Variants in ADAMTSL1 observed in about 807,000 individuals in gnomAD.
ADAMTSL1 encodes ADAMTS-like protein 1.
In ADAMTSL1, 126 loss-of-function variants were observed where a neutral mutation model predicts 201.8. The ratio of observed to expected loss-of-function variants is 0.62; its 90% CI spans 0.54 to 0.72. The LOEUF (loss-of-function observed/expected upper bound fraction) is 0.72. ADAMTSL1 is among the 30% of genes least tolerant of loss of function. The pLI, the probability that ADAMTSL1 is intolerant of heterozygous loss-of-function variation, is 0.00. For missense variants in ADAMTSL1, 2,679 were observed against 2,277.8 expected (o/e 1.18, Z -3.59); for synonymous variants, 1,121 against 903.4 (o/e 1.24, Z -4.32).
At chr9:18,703,948 G>A (rs1304909668) in intron 13 of ADAMTSL1, among the ~76,000 whole-genome samples, 5 of 151,722 alleles carry the variant, frequency 3.3e-5, no homozygotes, top group East Asian at 3.9e-4. Context: ...TCTGGGGCTC[G>A]CTTTGAAAAC....
chr9:18,623,353 T>C (rs1437233879), intron 5 of ADAMTSL1, among the ~76,000 whole-genome samples: 1 of 152,326 alleles, frequency 6.6e-6, no homozygotes, highest in Non-Finnish European at 1.5e-5. Flanking sequence ...TTAATCCCCA[T>C]GTTATGGATG....
intron 1 of ADAMTSL1, among the ~76,000 whole-genome samples, chr9:18,053,917 A>C (rs1334902147): frequency 6.6e-6 from 1 of 151,916 alleles, no homozygotes; most frequent in Non-Finnish European, 1.5e-5. Flanking sequence ...GTTGGTGTGC[A>C]CCTTTCACTG....
At chr9:18,671,903 G>A (rs563250405) in intron 9 of ADAMTSL1, among the ~76,000 whole-genome samples, 96 of 152,144 alleles carry the variant, frequency 6.3e-4, no homozygotes, top group Admixed American at 1.8e-3. Flanking sequence ...CGGGCGTGGC[G>A]GCGGGCGCCT....
intron 20 of ADAMTSL1, among the ~76,000 whole-genome samples, chr9:18,803,790 G>A (rs1041766602): frequency 1.4e-4 from 21 of 151,840 alleles, no homozygotes; most frequent in African/African-American, 4.8e-4. Context: ...AATACCCCCT[G>A]GTTTGTATTT....
chr9:18,756,408 A>G (rs892111072), intron 16 of ADAMTSL1, among the ~76,000 whole-genome samples: 1 of 151,886 alleles, frequency 6.6e-6, no homozygotes, highest in African/African-American at 2.4e-5. Flanking sequence ...TTTTGTTGGG[A>G]AAAATTAGCT....
At chr9:18,524,190 C>G (rs191834983) in intron 2 of ADAMTSL1, among the ~76,000 whole-genome samples, 5 of 152,240 alleles carry the variant, frequency 3.3e-5, no homozygotes, top group South Asian at 2.1e-4. Flanking sequence ...AGGTATTATT[C>G]TTTCTGAAGC....
At chr9:17,941,588 AT>A (rs1312433599) in intron 1 of ADAMTSL1, among the ~76,000 whole-genome samples, 9 of 152,102 alleles carry the variant, frequency 5.9e-5, no homozygotes, top group Non-Finnish European at 1.3e-4. Flanking sequence ...GTGTCCTACT[AT>A]CAAATGTCTG....
At chr9:18,114,315 A>G (rs1564007861) in intron 1 of ADAMTSL1, among the ~76,000 whole-genome samples, 1 of 152,186 alleles carries the variant, frequency 6.6e-6, no homozygotes, top group African/African-American at 2.4e-5. Context: ...ATGCAAACCA[A>G]ACAGCTTAAT....
At chr9:18,721,354 C>A (rs1355187921) in intron 14 of ADAMTSL1, among the ~76,000 whole-genome samples, 182 bp from the exon 15 acceptor site, 1 of 152,198 alleles carries the variant, frequency 6.6e-6, no homozygotes, top group East Asian at 1.9e-4. Flanking sequence ...TGAATACTTT[C>A]TCCCAGCTCA....
chr9:18,685,117 A>C (rs749974692), intron 13 of ADAMTSL1, among the ~76,000 whole-genome samples: 32 of 152,370 alleles, frequency 2.1e-4, no homozygotes, highest in South Asian at 1.0e-3. Flanking sequence ...CTGATGATAT[A>C]ACATAGATTT....
At chr9:18,755,526 G>A (rs369683749) in intron 16 of ADAMTSL1, among the ~76,000 whole-genome samples, 2 of 152,116 alleles carry the variant, frequency 1.3e-5, no homozygotes, top group African/African-American at 4.8e-5. Flanking sequence ...GAAATGCAGT[G>A]AAACATCAAT....
chr9:18,410,388 C>A (rs1372200279), intron 2 of ADAMTSL1, among the ~76,000 whole-genome samples: 1 of 152,106 alleles, frequency 6.6e-6, no homozygotes, highest in Non-Finnish European at 1.5e-5. Flanking sequence ...CCACAGCCCC[C>A]AACAGGTGCC....
At chr9:18,551,159 T>G (rs1258850525) in intron 3 of ADAMTSL1, among the ~76,000 whole-genome samples, 2 of 151,896 alleles carry the variant, frequency 1.3e-5, no homozygotes, top group African/African-American at 4.8e-5. Context: ...TCAATCCATA[T>G]TCCCACCAGA....
intron 1 of ADAMTSL1, among the ~76,000 whole-genome samples, chr9:17,944,537 A>G (rs1011733500): frequency 6.6e-6 from 1 of 151,374 alleles, no homozygotes; most frequent in Middle Eastern, 3.2e-3. Context: ...ACAAAGCTGG[A>G]GGCATCACAC....
intron 13 of ADAMTSL1, among the ~76,000 whole-genome samples, chr9:18,687,061 G>A (rs1466433318): frequency 2.0e-5 from 3 of 152,088 alleles, no homozygotes; most frequent in Non-Finnish European, 4.4e-5. Flanking sequence ...TTGGAGTGCT[G>A]GTGCAGGGTA....
chr9:18,583,979 C>T (rs1564068305), intron 4 of ADAMTSL1, among the ~76,000 whole-genome samples: 1 of 152,186 alleles, frequency 6.6e-6, no homozygotes, highest in Non-Finnish European at 1.5e-5. Flanking sequence ...CTTGCTTTGT[C>T]TCAGATGAGA....
At chr9:18,344,390 C>A (rs1474963111) in intron 2 of ADAMTSL1, among the ~76,000 whole-genome samples, 1 of 152,058 alleles carries the variant, frequency 6.6e-6, no homozygotes, top group Non-Finnish European at 1.5e-5. Flanking sequence ...CTCCTGGCCT[C>A]AAGAGATCCT....
At chr9:18,492,769 A>AT (rs1166127665) in intron 1 of ADAMTSL1, among the ~76,000 whole-genome samples, 1 of 152,224 alleles carries the variant, frequency 6.6e-6, no homozygotes, top group African/African-American at 2.4e-5. Context: ...TGTCTCAGAA[A>AT]TTAGCCAAAA....
intron 21 of ADAMTSL1, among the ~76,000 whole-genome samples, chr9:18,818,312 AC>A (rs11311302): frequency 0.8 from 122,172 of 151,960 alleles, 49,139 homozygotes; most frequent in Non-Finnish European, 0.81. Context: ...AGGCAGTGGC[AC>A]CCCCATGCTT....
Sources: allele counts gnomAD v4.1 joint callset (sites outside exome capture counted in the v4.1 genomes callset), GRCh38; gene constraint gnomAD v4.1.1; transcripts MANE v1.5; gene names NCBI Gene and HGNC (gene_info 2026-07-23, HGNC 2026-07-21).